The following ARHGAP32 variants were observed in gnomAD, a reference collection of about 807,000 sequenced individuals.
ARHGAP32 encodes the protein Rho GTPase activating protein 32, also known as rho GTPase-activating protein 32.
ARHGAP32 carries 51 observed loss-of-function variants against 186.5 expected under a neutral mutation model. That is an observed-to-expected ratio of 0.27 (90% CI 0.22 to 0.35). The LOEUF (loss-of-function observed/expected upper bound fraction) is 0.35. Among genes scored for constraint, ARHGAP32 ranks in the 10% least tolerant of loss-of-function variants. ARHGAP32 has a pLI of 1.00. For synonymous variants in ARHGAP32, 950 were observed against 964.3 expected, an observed-to-expected ratio of 0.99 and a Z score of 0.27; for missense variants, 2,186 against 2,623.5, an observed-to-expected ratio of 0.83 and a Z score of 3.64.
intron 11 of ARHGAP32, among the ~76,000 whole-genome samples, chr11:129,010,822 C>T (rs895691325): frequency 1.3e-5 from 2 of 152,276 alleles, no homozygotes; most frequent in Admixed American, 1.3e-4. Flanking sequence ...TTGTCCAAAA[C>T]TTCCAAAATA....
At chr11:129,056,119 T>C (rs1044747663) in intron 10 of ARHGAP32, among the ~76,000 whole-genome samples, 2 of 152,180 alleles carry the variant, frequency 1.3e-5, no homozygotes, top group Non-Finnish European at 2.9e-5. Flanking sequence ...TGATGGTTGG[T>C]AAAGATCAGC....
At chr11:129,192,037 G>T (rs888686503) in intron 1 of ARHGAP32, 46 bp downstream of exon 1, 1 of 1,357,662 alleles carries the variant, frequency 7.4e-7, no homozygotes, top group South Asian at 1.2e-5. Context: ...GTGCGGGTGG[G>T]GGTAGGGAGT....
At chr11:129,075,512 C>T (rs1941008773) in intron 6 of ARHGAP32, among the ~76,000 whole-genome samples, 1 of 151,916 alleles carries the variant, frequency 6.6e-6, no homozygotes, top group Non-Finnish European at 1.5e-5. Context: ...GATTAAATTA[C>T]AAGGAGAAAT....
At chr11:129,153,465 C>T (rs897202042) in intron 2 of ARHGAP32, among the ~76,000 whole-genome samples, 12 of 152,078 alleles carry the variant, frequency 7.9e-5, no homozygotes, top group African/African-American at 2.9e-4. Flanking sequence ...GGAGGCATCA[C>T]ATTACTCAAC....
intron 1 of ARHGAP32, among the ~76,000 whole-genome samples, chr11:129,184,019 A>C (rs1338079353): frequency 6.6e-6 from 1 of 152,156 alleles, no homozygotes; most frequent in Non-Finnish European, 1.5e-5. Flanking sequence ...TACACTTCTG[A>C]AAGACTAAAA....
upstream of ARHGAP32, among the ~76,000 whole-genome samples, chr11:129,192,464 A>G (rs1451566649): frequency 6.6e-6 from 1 of 152,208 alleles, no homozygotes; most frequent in African/African-American, 2.4e-5. Context: ...CAGAATCTAA[A>G]TGAAGGTGAT....
intron 5 of ARHGAP32, among the ~76,000 whole-genome samples, chr11:129,117,766 T>C (rs796880021): frequency 1.2e-4 from 18 of 151,304 alleles, no homozygotes; most frequent in African/African-American, 2.4e-4. Context: ...CATATCCTTT[T>C]CCCCCCCTAC....
intron 1 of ARHGAP32, among the ~76,000 whole-genome samples, chr11:129,260,059 A>G: frequency 6.6e-6 from 1 of 152,176 alleles, no homozygotes; most frequent in Admixed American, 6.5e-5. Flanking sequence ...CATGGTAGTT[A>G]CAAACAAACT....
chr11:128,984,963 A>G (rs2136116080), intron 15 of ARHGAP32, among the ~76,000 whole-genome samples: 1 of 152,336 alleles, frequency 6.6e-6, no homozygotes, highest in South Asian at 2.1e-4. Flanking sequence ...CAATGGTTCA[A>G]TTTATGATTT....
intron 1 of ARHGAP32, among the ~76,000 whole-genome samples, chr11:129,164,938 A>G (rs533705369): frequency 6.6e-6 from 1 of 152,216 alleles, no homozygotes; most frequent in Non-Finnish European, 1.5e-5. Flanking sequence ...AAAGCAACCA[A>G]TACAGATGGG....
chr11:129,197,528 A>G (rs1021760292), intron 1 of ARHGAP32, among the ~76,000 whole-genome samples: 1 of 152,242 alleles, frequency 6.6e-6, no homozygotes, highest in East Asian at 1.9e-4. Flanking sequence ...TGCTTCATGA[A>G]TATGAATATA....
At chr11:128,982,211 A>G (rs1225041751) in intron 15 of ARHGAP32, among the ~76,000 whole-genome samples, 1 of 152,196 alleles carries the variant, frequency 6.6e-6, no homozygotes, top group Admixed American at 6.5e-5. Flanking sequence ...CAACACTTCT[A>G]TGAAAGAAAA....
chr11:129,148,965 CT>C (rs769558141), intron 2 of ARHGAP32, among the ~76,000 whole-genome samples: 8 of 152,194 alleles, frequency 5.3e-5, no homozygotes, highest in Non-Finnish European at 1.2e-4. Flanking sequence ...AAAGTCTAAG[CT>C]TGGACCCACC....
chr11:129,223,046 G>A (rs1216281049), intron 1 of ARHGAP32, among the ~76,000 whole-genome samples: 1 of 152,038 alleles, frequency 6.6e-6, no homozygotes, highest in Non-Finnish European at 1.5e-5. Flanking sequence ...AATATATTTT[G>A]TCTAACTCAA....
At chr11:128,971,379 T>C (rs1417830276) in intron 22 of ARHGAP32, 1 of 490,618 alleles carries the variant, frequency 2.0e-6, no homozygotes. Context: ...ATTCAAAGTT[T>C]TCTAATTTAT....
chr11:129,245,623 A>T (rs1591716495), intron 1 of ARHGAP32, among the ~76,000 whole-genome samples: 3 of 149,926 alleles, frequency 2.0e-5, no homozygotes, highest in African/African-American at 7.3e-5. Flanking sequence ...TAAATAAATA[A>T]ATAAAGATCA....
At position 128,974,875 on chromosome 11, in the gene ARHGAP32, A is replaced by C; in HGVS notation, c.2322T>G (p.Ser774Arg). 6.2e-7 allele frequency: 1 copy of C among 1,614,056 alleles called. No individual in the cohort carries two copies. ...TATGAAGCAGCCCTCCTTCCTCCTC[A>C]CTCTCATTGTCATGAGGCAGATTAT... Reference protein sequence around the residue: ...SYDNLPHDNESEEEGGLLHIP... With the variant: ...SYDNLPHDNEREEEGGLLHIP... The change falls in exon 21 of 23, where the codon AGT (serine) becomes AGG (arginine). Residue 774 changes from serine (S) to arginine (R), a missense_variant. Ser to Arg is a moderately radical substitution (Grantham distance 110). Coordinates refer to ENST00000682385, the MANE Select transcript of ARHGAP32 (RefSeq NM_001378024.1).
upstream of ARHGAP32, among the ~76,000 whole-genome samples, chr11:129,193,555 TATATATTA>T (rs1591688733): frequency 1.5e-4 from 2 of 13,474 alleles, no homozygotes; most frequent in Non-Finnish European, 2.6e-4. Flanking sequence ...ATATAATATA[TATATATTA>T]TATATAATAT....
At position 128,973,114 on chromosome 11, in the gene ARHGAP32, C is replaced by T. The variant is rs1945440318; in HGVS notation, c.3392G>A (p.Cys1131Tyr). 6.2e-7 allele frequency: 1 copy of T among 1,614,048 alleles called. No homozygotes were observed. Residue 1131 changes from cysteine to tyrosine, a missense_variant, in exon 22 of 23, where the codon TGT becomes TAT. Transcript: ENST00000682385. ...TGTTGTCTCTGGTAGAGGATGGTCACAGTTTCCTGGTGCATTATTCTGGAG... is the reference window on the plus strand; with the variant it reads ...TGTTGTCTCTGGTAGAGGATGGTCATAGTTTCCTGGTGCATTATTCTGGAG... ...FHLQNNAPGN[C>Y]DHPLPETTAT... is the part of the protein sequence containing the mutation.
Sources: allele counts gnomAD v4.1 joint callset (sites outside exome capture counted in the v4.1 genomes callset), GRCh38; gene constraint gnomAD v4.1.1; transcripts MANE v1.5; gene names NCBI Gene and HGNC (gene_info 2026-07-23, HGNC 2026-07-21).